Variants in NTAQ1 observed in about 807,000 individuals in gnomAD.
NTAQ1 encodes protein N-terminal glutamine amidohydrolase.
A neutral mutation model predicts 28.2 loss-of-function variants in NTAQ1; 21 were observed. The ratio of observed to expected loss-of-function variants is 0.74; its 90% CI spans 0.53 to 1.07. NTAQ1 has a LOEUF of 1.07. Among genes scored for constraint, NTAQ1 ranks in the 50% least tolerant of loss-of-function variants. The pLI, the probability that NTAQ1 is intolerant of heterozygous loss-of-function variation, is 0.00. For missense variants in NTAQ1, 264 were observed against 256.6 expected (o/e 1.03, Z -0.20); for synonymous variants, 105 against 90.0 (o/e 1.17, Z -0.94).
At chr8:123,434,984 G>A (rs557896482) in intron 3 of NTAQ1, among the ~76,000 whole-genome samples, 1 of 152,300 alleles carries the variant, frequency 6.6e-6, no homozygotes, top group South Asian at 2.1e-4. Context: ...AGCATCCCTA[G>A]TCTTAAGTAT....
chr8:123,464,578 A>AG (rs1218761338), intron 6 of NTAQ1, among the ~76,000 whole-genome samples: 4 of 152,172 alleles, frequency 2.6e-5, no homozygotes, highest in Non-Finnish European at 5.9e-5. Context: ...CTTCACCTCA[A>AG]GGGTACGATG....
chr8:123,461,627 C>T (rs540954170), intron 6 of NTAQ1, among the ~76,000 whole-genome samples: 7 of 152,290 alleles, frequency 4.6e-5, no homozygotes, highest in Admixed American at 4.6e-4. Flanking sequence ...GTTGGGCTTT[C>T]CTGCAGGAGT....
chr8:123,428,064 A>G (rs1197222302), intron 2 of NTAQ1, 41 bp downstream of exon 2: 2 of 1,424,864 alleles, frequency 1.4e-6, no homozygotes, highest in Non-Finnish European at 1.9e-6. Context: ...CAAGAGATTT[A>G]GGATGACATT....
chr8:123,419,159 T>C (rs72724214), intron 1 of NTAQ1, among the ~76,000 whole-genome samples: 1 of 143,868 alleles, frequency 7.0e-6, no homozygotes, highest in African/African-American at 2.6e-5. Context: ...AGTGCAATGA[T>C]GCCATCTTGG....
chr8:123,428,086 T>TAA (rs34896896), intron 2 of NTAQ1, 63 bp downstream of exon 2: 3 of 1,048,150 alleles, frequency 2.9e-6, no homozygotes, highest in Admixed American at 3.4e-5. Context: ...GAAGCTAAAT[T>TAA]AAAAAAAAAA....
At chr8:123,438,413 T>C (rs920295230) in intron 5 of NTAQ1, among the ~76,000 whole-genome samples, 7 of 152,052 alleles carry the variant, frequency 4.6e-5, no homozygotes, top group African/African-American at 1.4e-4. Context: ...CCCAGCACTT[T>C]GGGAGGCTGA....
chr8:123,459,446 C>G (rs1043250910), intron 6 of NTAQ1, among the ~76,000 whole-genome samples: 1 of 152,142 alleles, frequency 6.6e-6, no homozygotes, highest in African/African-American at 2.4e-5. Flanking sequence ...AAGATTAATT[C>G]AGTCTCTAGC....
chr8:123,430,121 A>G, intron 3 of NTAQ1, 88 bp downstream of exon 3: 3 of 934,284 alleles, frequency 3.2e-6, no homozygotes, highest in Non-Finnish European at 4.9e-6. Context: ...GAAGTGACCT[A>G]AGCAGTAGAG....
At position 123,417,014 on chromosome 8, in the gene NTAQ1, C is replaced by T. The variant is rs796286792; in HGVS notation, c.83+82C>T. The stretch of plus-strand genomic sequence containing the variant: ...AACCGGGCCCCGCCTCTTCCCGGCC[C>T]CTCCTCGGGGGCGCTCCCGGCCTCT... On this transcript the variant is annotated intron_variant, in intron 1 of 5. Transcript: ENST00000287387. 62 of 1,327,106 alleles carry T rather than the reference C, an allele frequency of 4.7e-5. No homozygotes were observed. In the African/African-American group the frequency reaches 7.7e-4, roughly 16 times the overall value. 82.2% of individuals were successfully genotyped at this position (1,327,106 alleles called of 1,614,324 possible).
At chr8:123,442,920 C>T (rs377057834), downstream of NTAQ1, among the ~76,000 whole-genome samples, 5 of 152,162 alleles carry the variant, frequency 3.3e-5, no homozygotes, top group African/African-American at 7.2e-5. Flanking sequence ...TGCCCACTTT[C>T]GCCTCCCGAA....
chr8:123,463,924 G>A (rs761745305), intron 6 of NTAQ1, among the ~76,000 whole-genome samples: 3 of 152,094 alleles, frequency 2.0e-5, no homozygotes, highest in African/African-American at 4.8e-5. Flanking sequence ...AATCATGGGG[G>A]CATGTCTTTC....
downstream of NTAQ1, among the ~76,000 whole-genome samples, chr8:123,449,897 C>T (rs1002356799): frequency 1.8e-5 from 2 of 113,878 alleles, no homozygotes; most frequent in African/African-American, 3.3e-5. Context: ...CTCTCTATCT[C>T]TCCATATGTA....
chr8:123,461,691 T>C (rs1815828748), intron 6 of NTAQ1, among the ~76,000 whole-genome samples: 1 of 152,132 alleles, frequency 6.6e-6, no homozygotes, highest in Non-Finnish European at 1.5e-5. Context: ...CTTGATAACT[T>C]TGTATATTCA....
intron 6 of NTAQ1, among the ~76,000 whole-genome samples, chr8:123,456,324 C>T (rs1346011323): frequency 6.6e-6 from 1 of 152,142 alleles, no homozygotes; most frequent in Non-Finnish European, 1.5e-5. Flanking sequence ...CTTGCTCTGT[C>T]GCTCAGGCTG....
Position 123,426,973 on chromosome 8 carries a change from A to G in NTAQ1, c.84-951A>G, listed in dbSNP as rs557210706. ...AGACTCTGTCTCCAAAAATAAATAAATAAAAAAAATAAAATTATGTCCCTT... is the reference window on the plus strand; with the variant it reads ...AGACTCTGTCTCCAAAAATAAATAAGTAAAAAAAATAAAATTATGTCCCTT... On this transcript the variant is annotated intron_variant, in intron 1 of 5. Transcript: ENST00000287387. Among the ~76,000 whole-genome samples the G allele has an allele frequency of 4.6e-4, 70 of 152,218 alleles. 1 individual carries two copies. In the South Asian group the frequency reaches 0.014, roughly 31 times the overall value.
At chr8:123,416,729 T>TC (rs1166311773), upstream of NTAQ1, 1 of 875,876 alleles carries the variant, frequency 1.1e-6, no homozygotes, top group Non-Finnish European at 1.6e-6. Flanking sequence ...CCCGGCCCTC[T>TC]CCCCCCGGGC....
rs4416808 is a variant in NTAQ1 at position 123,441,303 on chromosome 8, T to A, written c.509-3T>A. 571,453 of 1,594,964 alleles carry A rather than the reference T, an allele frequency of 0.36. 104,099 individuals carry two copies. Among genetic ancestry groups the A allele is most frequent in the East Asian group, 0.57 (24,955 of 43,490 alleles). On this transcript the variant is annotated splice_region_variant and splice_polypyrimidine_tract_variant and intron_variant, in intron 5 of 5. Transcript: ENST00000287387. The stretch of plus-strand genomic sequence containing the variant: ...GACATTTTTTTTTCATATATTTTTT[T>A]AGATTCCAAAATGAACCTGAACGAT...
chr8:123,436,752 A>C, intron 4 of NTAQ1, 151 bp downstream of exon 4: 2 of 823,276 alleles, frequency 2.4e-6, no homozygotes. Flanking sequence ...TTTGCAACAC[A>C]GGAGATTCAA....
rs1043018680 is a variant in NTAQ1 at position 123,441,459 on chromosome 8, G to A, written c.*44G>A. 1.4e-6 allele frequency: 2 copies of A among 1,463,070 alleles called. No individual in the cohort carries two copies. Among genetic ancestry groups the A allele is most frequent in the East Asian group, 2.4e-5 (1 of 40,922 alleles). The allele number at this position is 1,463,070 out of a possible 1,614,324, so 90.6% of individuals were successfully genotyped here. A position where few individuals can be genotyped will look rare whatever the true frequency, so the allele number is the denominator to read the frequency against. The stretch of plus-strand genomic sequence containing the variant: ...GAACTGTGGAGAAATTCTAGGACAT[G>A]AACAAGCTATCCTTTCATCGAGGAC... On this transcript the variant is annotated 3_prime_UTR_variant, in exon 6 of 6. Transcript: ENST00000287387.
Sources: allele counts gnomAD v4.1 joint callset (sites outside exome capture counted in the v4.1 genomes callset), GRCh38; gene constraint gnomAD v4.1.1; transcripts MANE v1.5; gene names NCBI Gene and HGNC (gene_info 2026-07-23, HGNC 2026-07-21).